The following NR3C2 variants were observed in gnomAD, a reference collection of about 807,000 sequenced individuals.
The protein encoded by NR3C2 is mineralocorticoid receptor.
Under a neutral mutation model 86.4 loss-of-function variants are expected in NR3C2, and 15 were observed. That is an observed-to-expected ratio of 0.17 (90% CI 0.12 to 0.27). NR3C2 has a LOEUF of 0.27. Among genes scored for constraint, NR3C2 ranks in the 10% least tolerant of loss-of-function variants. The pLI, the probability that NR3C2 is intolerant of heterozygous loss-of-function variation, is 1.00. For synonymous variants in NR3C2, 458 were observed against 450.5 expected (o/e 1.02, Z -0.21); for missense variants, 960 against 1,195.6 (o/e 0.80, Z 2.91).
At position 148,081,338 on chromosome 4, in the gene NR3C2, G is replaced by A. The variant is rs373627783; in HGVS notation, c.*6C>T. 5.6e-5 allele frequency: 90 copies of A among 1,614,062 alleles called. No individual in the cohort carries two copies. Among genetic ancestry groups the A allele is most frequent in the Middle Eastern group, 1.6e-4 (1 of 6,084 alleles). On this transcript the variant is annotated 3_prime_UTR_variant, in exon 9 of 9. Coordinates refer to ENST00000358102, the MANE Select transcript of NR3C2 (RefSeq NM_000901.5). ...TTAAGGCAAAGTTCTTCTGGGCAGC[G>A]GGCAGTCACTTCCGGTGGAAGTAGA...
intron 4 of NR3C2, among the ~76,000 whole-genome samples, chr4:148,173,990 G>A (rs1177133998): frequency 6.6e-6 from 1 of 152,204 alleles, no homozygotes; most frequent in Non-Finnish European, 1.5e-5. Flanking sequence ...AAATGGGTGT[G>A]TGTGTTTCTG....
intron 3 of NR3C2, among the ~76,000 whole-genome samples, chr4:148,236,687 C>T (rs1002630183): frequency 2.6e-5 from 4 of 152,178 alleles, no homozygotes; most frequent in Admixed American, 2.6e-4. Flanking sequence ...CACTCATGGT[C>T]ATCACTGATA....
upstream of NR3C2, among the ~76,000 whole-genome samples, chr4:148,443,654 T>C (rs1471573534): frequency 6.6e-6 from 1 of 152,188 alleles, no homozygotes; most frequent in African/African-American, 2.4e-5. Context: ...GGCTCCCCGC[T>C]GGCCCGGAGT....
In NR3C2 at chr4:148,094,302, G is replaced by A. The variant is rs138011993; in HGVS notation, c.2800-12803C>T. ...AAATGTATAATGGTGCAGTGCTTTGGAGGACAGTATGACAGTTCCTAAAGA... is the reference window on the plus strand; with the variant it reads ...AAATGTATAATGGTGCAGTGCTTTGAAGGACAGTATGACAGTTCCTAAAGA... On this transcript the variant is annotated intron_variant, in intron 8 of 8. Coordinates refer to ENST00000358102, the MANE Select transcript of NR3C2 (RefSeq NM_000901.5). 4.6e-5 allele frequency among the ~76,000 whole-genome samples: 7 copies of A among 152,346 alleles called. No individual in the cohort carries two copies. In the East Asian group the frequency reaches 1.3e-3, roughly 29 times the overall value.
chr4:148,287,079 G>T (rs1741561326), intron 2 of NR3C2, among the ~76,000 whole-genome samples: 1 of 152,226 alleles, frequency 6.6e-6, no homozygotes, highest in Non-Finnish European at 1.5e-5. Context: ...GCAAGTAAGG[G>T]ATGGCCCATG....
At chr4:148,170,787 G>T (rs985214330) in intron 4 of NR3C2, among the ~76,000 whole-genome samples, 3 of 152,038 alleles carry the variant, frequency 2.0e-5, no homozygotes, top group Admixed American at 6.5e-5. Flanking sequence ...TTAGTAGTAG[G>T]GCCACACTTT....
At chr4:148,258,723 G>A (rs1331674107) in intron 3 of NR3C2, among the ~76,000 whole-genome samples, 2 of 152,216 alleles carry the variant, frequency 1.3e-5, no homozygotes, top group African/African-American at 2.4e-5. Context: ...ACAAAACCAA[G>A]CGACTGAGCG....
chr4:148,384,692 A>C (rs1463525596), intron 2 of NR3C2, among the ~76,000 whole-genome samples: 2 of 152,210 alleles, frequency 1.3e-5, no homozygotes, highest in Middle Eastern at 3.2e-3. Flanking sequence ...TATAGCCAGA[A>C]TGTTCTATTA....
intron 2 of NR3C2, among the ~76,000 whole-genome samples, chr4:148,335,234 T>C (rs1460857278): frequency 2.6e-5 from 4 of 152,208 alleles, no homozygotes; most frequent in South Asian, 2.1e-4. Flanking sequence ...TTTCCCATTA[T>C]AGCTGGATTA....
chr4:148,406,875 G>A (rs771606656), intron 2 of NR3C2, among the ~76,000 whole-genome samples: 1 of 152,190 alleles, frequency 6.6e-6, no homozygotes, highest in Non-Finnish European at 1.5e-5. Flanking sequence ...CAGTGTTAAA[G>A]TCTGACAGTC....
chr4:148,196,619 C>T (rs3846301), intron 3 of NR3C2, among the ~76,000 whole-genome samples: 60,174 of 151,950 alleles, frequency 0.4, 12,215 homozygotes, highest in African/African-American at 0.46. Flanking sequence ...ACAGTAAATA[C>T]TCAATAAAAA....
chr4:148,385,572 T>C (rs954560878), intron 2 of NR3C2, among the ~76,000 whole-genome samples: 8 of 152,062 alleles, frequency 5.3e-5, no homozygotes, highest in African/African-American at 1.9e-4. Context: ...CATTTTCAAC[T>C]GAACACAAAG....
intron 2 of NR3C2, among the ~76,000 whole-genome samples, chr4:148,362,908 T>G (rs1345587352): frequency 6.6e-6 from 1 of 152,150 alleles, no homozygotes; most frequent in Non-Finnish European, 1.5e-5. Context: ...CGTTATGACA[T>G]CTTTCTACAT....
chr4:148,105,287 A>C (rs992225099), intron 8 of NR3C2, among the ~76,000 whole-genome samples: 1 of 152,248 alleles, frequency 6.6e-6, no homozygotes. Context: ...GAAAATCTAG[A>C]AGAAATGGAT....
At chr4:148,241,874 G>A (rs929221909) in intron 3 of NR3C2, among the ~76,000 whole-genome samples, 6 of 152,162 alleles carry the variant, frequency 3.9e-5, no homozygotes, top group African/African-American at 1.2e-4. Flanking sequence ...AAATCATATT[G>A]TAGGGAGTTA....
intron 4 of NR3C2, among the ~76,000 whole-genome samples, chr4:148,156,383 C>T (rs1393430712): frequency 6.6e-6 from 1 of 151,572 alleles, no homozygotes; most frequent in Admixed American, 6.6e-5. Flanking sequence ...GGCTAATATC[C>T]AGAATCTACA....
intron 1 of NR3C2, among the ~76,000 whole-genome samples, chr4:148,438,334 G>A (rs1047450254): frequency 6.6e-6 from 1 of 152,082 alleles, no homozygotes; most frequent in African/African-American, 2.4e-5. Flanking sequence ...ATCACCCTTG[G>A]CTGACAACCA....
At chr4:148,099,687 A>G (rs955830155) in intron 8 of NR3C2, among the ~76,000 whole-genome samples, 17 of 152,214 alleles carry the variant, frequency 1.1e-4, no homozygotes, top group African/African-American at 4.1e-4. Flanking sequence ...TTACACAGTT[A>G]TTATTATATT....
At chr4:148,149,615 G>C (rs1467079029) in intron 6 of NR3C2, among the ~76,000 whole-genome samples, 1 of 152,126 alleles carries the variant, frequency 6.6e-6, no homozygotes, top group Admixed American at 6.5e-5. Flanking sequence ...AGAGTAAAAA[G>C]GCAAGCCACA....
Sources: gnomAD v4.1 joint callset for allele counts (sites outside exome capture counted in the v4.1 genomes callset) on GRCh38, gnomAD v4.1.1 for gene constraint, MANE v1.5 for transcripts, NCBI Gene and HGNC (gene_info 2026-07-23, HGNC 2026-07-21) for gene names.